Variants in GRXCR1 observed in about 807,000 individuals in gnomAD.
GRXCR1 encodes glutaredoxin and cysteine rich domain containing 1.
A neutral mutation model predicts 27.3 loss-of-function variants in GRXCR1; 27 were observed. The observed-to-expected ratio is 0.99, with a 90% CI of 0.73 to 1.37. The LOEUF (loss-of-function observed/expected upper bound fraction) is 1.37. GRXCR1 is among the 40% of genes most tolerant of loss of function. GRXCR1 has a pLI of 0.00. For missense variants in GRXCR1, 379 were observed against 354.4 expected, an observed-to-expected ratio of 1.07 and a Z score of -0.56; for synonymous variants, 122 against 131.1, an observed-to-expected ratio of 0.93 and a Z score of 0.47.
intron 2 of GRXCR1, among the ~76,000 whole-genome samples, chr4:43,019,871 A>G (rs1560690444): frequency 6.6e-6 from 1 of 152,168 alleles, no homozygotes; most frequent in Non-Finnish European, 1.5e-5. Flanking sequence ...ATATCTGCTT[A>G]AGTAGTGTTG....
chr4:42,893,239 TA>T lies in GRXCR1; in HGVS notation c.-25del. 6.2e-7 allele frequency: 1 copy of T among 1,613,072 alleles called. No homozygotes were observed. The highest frequency in any genetic ancestry group is 1.1e-5 in the South Asian group (1 of 91,058). On this transcript the variant is annotated 5_prime_UTR_variant, in exon 1 of 4. Transcript: ENST00000399770. ...CAGTAACAACGGGTCCAGAATGCTG[TA>T]AACTGTTCATATGGGTGGAGGTGAC...
chr4:43,007,058 C>A (rs1159781263), intron 2 of GRXCR1, among the ~76,000 whole-genome samples: 1 of 152,174 alleles, frequency 6.6e-6, no homozygotes, highest in Non-Finnish European at 1.5e-5. Flanking sequence ...TAAATATGCA[C>A]TCCATTACAG....
chr4:43,020,452 A>G, intron 3 of GRXCR1, 33 bp downstream of exon 3: 1 of 1,320,242 alleles, frequency 7.6e-7, no homozygotes, highest in East Asian at 2.3e-5. Flanking sequence ...AGTTTTAGTA[A>G]TCAAAATATT....
At chr4:42,943,173 A>C (rs901308570) in intron 1 of GRXCR1, among the ~76,000 whole-genome samples, 2 of 152,150 alleles carry the variant, frequency 1.3e-5, no homozygotes, top group African/African-American at 4.8e-5. Flanking sequence ...CTTTCTAAAA[A>C]ATAACACATA....
intron 2 of GRXCR1, among the ~76,000 whole-genome samples, chr4:43,019,045 A>T (rs1713018637): frequency 6.6e-6 from 1 of 152,208 alleles, no homozygotes; most frequent in Non-Finnish European, 1.5e-5. Context: ...AGATAGACTG[A>T]AATAAAATGG....
Position 42,990,173 on chromosome 4 carries a change from C to CTTTT in GRXCR1, c.627+27072_627+27075dup, listed in dbSNP as rs745784596. 2.6e-4 allele frequency among the ~76,000 whole-genome samples: 12 copies of CTTTT among 46,200 alleles called. 5 individuals are homozygous for CTTTT. The highest frequency in any genetic ancestry group is 4.2e-4 in the African/African-American group (5 of 11,866). 30.3% of individuals were successfully genotyped at this position (46,200 alleles called of 152,430 possible). A position where few individuals can be genotyped will look rare whatever the true frequency, so the allele number is the denominator to read the frequency against. ...AACTTCTTGAATTGAATTATTAGTTCTTTTTTTTTTTTTTTTTTTTTTTTT... is the reference window on the plus strand; with the variant it reads ...AACTTCTTGAATTGAATTATTAGTTCTTTTTTTTTTTTTTTTTTTTTTTTTTTTT... On this transcript the variant is annotated intron_variant, in intron 2 of 3. Coordinates refer to ENST00000399770, the MANE Select transcript of GRXCR1 (RefSeq NM_001080476.3).
chr4:43,021,650 G>T (rs775799086), intron 3 of GRXCR1, among the ~76,000 whole-genome samples: 2 of 152,062 alleles, frequency 1.3e-5, no homozygotes, highest in Admixed American at 1.3e-4. Context: ...ATCAGTTTTT[G>T]TCGTAATACA....
chr4:43,017,008 G>A (rs1397976318), intron 2 of GRXCR1, among the ~76,000 whole-genome samples: 1 of 152,208 alleles, frequency 6.6e-6, no homozygotes, highest in East Asian at 1.9e-4. Context: ...TGAATTTTAA[G>A]TTGTAAAGTG....
chr4:42,911,429 G>A (rs556877890), intron 1 of GRXCR1, among the ~76,000 whole-genome samples: 86 of 152,078 alleles, frequency 5.7e-4, no homozygotes, highest in African/African-American at 7.5e-4. Context: ...AGACACACAT[G>A]TATCAAACGA....
At position 42,941,642 on chromosome 4, in the gene GRXCR1, AC is replaced by A. The variant is rs568799656; in HGVS notation, c.385-21248del. On this transcript the variant is annotated intron_variant, in intron 1 of 3. Coordinates refer to ENST00000399770, the MANE Select transcript of GRXCR1 (RefSeq NM_001080476.3). ...ATAACATAAAGGCTCCAGAGTTGTG[AC>A]CAAACTAGAAATAAGATCTGGGACT... Among the ~76,000 whole-genome samples, 14 of 152,150 alleles carry A rather than the reference AC, an allele frequency of 9.2e-5. No homozygotes were observed. The East Asian group carries it at 2.7e-3, about 30-fold the overall frequency.
chr4:42,897,688 C>T (rs1376319), intron 1 of GRXCR1, among the ~76,000 whole-genome samples: 134,457 of 151,980 alleles, frequency 0.88, 60,127 homozygotes, highest in South Asian at 0.97. Flanking sequence ...ACAAAGTATA[C>T]CTCAAATTTA....
At chr4:42,899,308 C>T (rs763143726) in intron 1 of GRXCR1, among the ~76,000 whole-genome samples, 1 of 152,012 alleles carries the variant, frequency 6.6e-6, no homozygotes, top group Non-Finnish European at 1.5e-5. Flanking sequence ...GCATATCTAC[C>T]GTGAGACAAA....
At chr4:42,928,477 A>T (rs1747223050) in intron 1 of GRXCR1, among the ~76,000 whole-genome samples, 1 of 151,958 alleles carries the variant, frequency 6.6e-6, no homozygotes. Context: ...GGATAATCAT[A>T]ACTTTTATAT....
chr4:42,900,547 A>G (rs551841637), intron 1 of GRXCR1, among the ~76,000 whole-genome samples: 6 of 152,258 alleles, frequency 3.9e-5, no homozygotes, highest in Admixed American at 1.3e-4. Flanking sequence ...AAGAAATTTA[A>G]GATCCCTTTT....
intron 2 of GRXCR1, among the ~76,000 whole-genome samples, chr4:42,992,726 C>A (rs144060112): frequency 1.2e-3 from 183 of 152,068 alleles, no homozygotes; most frequent in African/African-American, 4.2e-3. Context: ...TTCACAGCTG[C>A]CATTACATTC....
chr4:42,926,857 C>A (rs1056234806), intron 1 of GRXCR1, among the ~76,000 whole-genome samples: 5 of 151,966 alleles, frequency 3.3e-5, no homozygotes, highest in African/African-American at 1.2e-4. Flanking sequence ...TTTCGTTTCT[C>A]CTGGAGTTAC....
intron 1 of GRXCR1, among the ~76,000 whole-genome samples, chr4:42,899,027 AACTT>A (rs1469723465): frequency 1.3e-5 from 2 of 152,090 alleles, no homozygotes; most frequent in African/African-American, 4.8e-5. Flanking sequence ...AAACTGATAG[AACTT>A]AGAGTCCTGT....
At chr4:43,023,124 G>T (rs962238265) in intron 3 of GRXCR1, among the ~76,000 whole-genome samples, 3 of 152,116 alleles carry the variant, frequency 2.0e-5, no homozygotes, top group Admixed American at 2.0e-4. Flanking sequence ...ACTATACTGT[G>T]GCAGGACACA....
chr4:42,975,257 G>A (rs1168998855), intron 2 of GRXCR1, among the ~76,000 whole-genome samples: 1 of 151,990 alleles, frequency 6.6e-6, no homozygotes, highest in Non-Finnish European at 1.5e-5. Context: ...GGGCCTAGAG[G>A]GATTGAATAG....
Sources: gnomAD v4.1 joint callset for allele counts (sites outside exome capture counted in the v4.1 genomes callset) on GRCh38, gnomAD v4.1.1 for gene constraint, MANE v1.5 for transcripts, NCBI Gene and HGNC (gene_info 2026-07-23, HGNC 2026-07-21) for gene names.